Variants in CACNB4 observed in about 807,000 individuals in gnomAD.
The protein encoded by CACNB4 is calcium voltage-gated channel auxiliary subunit beta 4, also known as voltage-dependent L-type calcium channel subunit beta-4.
Under a neutral mutation model 71.2 loss-of-function variants are expected in CACNB4, and 32 were observed. The observed-to-expected ratio is 0.45, with a 90% confidence interval of 0.34 to 0.60. CACNB4 has a LOEUF of 0.60. Among genes scored for constraint, CACNB4 ranks in the 20% least tolerant of loss-of-function variants. The pLI, the probability that CACNB4 is intolerant of heterozygous loss-of-function variation, is 0.01. For missense variants in CACNB4, 464 were observed against 647.9 expected (o/e 0.72, Z 3.08); for synonymous variants, 231 against 236.9 (o/e 0.97, Z 0.23).
intron 2 of CACNB4, among the ~76,000 whole-genome samples, chr2:151,918,600 C>T (rs538584084): frequency 6.6e-6 from 1 of 152,332 alleles, no homozygotes; most frequent in South Asian, 2.1e-4. Flanking sequence ...TGCCTACTGA[C>T]CCTATAAATA....
At chr2:152,003,383 T>G (rs1374918698) in intron 2 of CACNB4, among the ~76,000 whole-genome samples, 1 of 151,658 alleles carries the variant, frequency 6.6e-6, no homozygotes, top group Non-Finnish European at 1.5e-5. Context: ...GAGGTGGAGG[T>G]TGCAGTGAGC....
chr2:151,965,764 G>A (rs2099870930), intron 2 of CACNB4, among the ~76,000 whole-genome samples: 1 of 151,890 alleles, frequency 6.6e-6, no homozygotes, highest in Non-Finnish European at 1.5e-5. Flanking sequence ...TGAGACTCAA[G>A]TGTTTCCAAG....
At chr2:151,858,695 T>C (rs972338127) in intron 10 of CACNB4, 1 of 152,240 alleles carries the variant, frequency 6.6e-6, no homozygotes, top group Non-Finnish European at 1.5e-5. Context: ...CCTCAATCTT[T>C]TTCAATCTCT....
intron 4 of CACNB4, chr2:151,879,673 T>C (rs1282206299): frequency 6.6e-6 from 1 of 152,208 alleles, no homozygotes; most frequent in East Asian, 1.9e-4. Flanking sequence ...TCAAAGATGT[T>C]TTCTTATCTG....
At chr2:151,846,486 A>C (rs957712857) in intron 12 of CACNB4, among the ~76,000 whole-genome samples, 1 of 152,190 alleles carries the variant, frequency 6.6e-6, no homozygotes, top group Non-Finnish European at 1.5e-5. Flanking sequence ...TTTAATAAAA[A>C]GTTTATAAAC....
At chr2:152,097,253 C>G (rs934561491) in intron 2 of CACNB4, among the ~76,000 whole-genome samples, 3 of 152,104 alleles carry the variant, frequency 2.0e-5, no homozygotes, top group African/African-American at 4.8e-5. Flanking sequence ...GATATCAATT[C>G]CTCGTTGATA....
chr2:151,856,812 A>C (rs1207729311), intron 10 of CACNB4: 1 of 152,198 alleles, frequency 6.6e-6, no homozygotes, highest in Non-Finnish European at 1.5e-5. Flanking sequence ...TTCTGGGCTC[A>C]AGTGATCCTC....
intron 2 of CACNB4, among the ~76,000 whole-genome samples, chr2:151,960,522 T>C (rs2099869396): frequency 1.3e-5 from 2 of 152,116 alleles, no homozygotes; most frequent in African/African-American, 2.4e-5. Flanking sequence ...ACCACCACCA[T>C]TGCGATCGGT....
At chr2:152,085,686 G>T (rs1687620418) in intron 2 of CACNB4, among the ~76,000 whole-genome samples, 1 of 151,956 alleles carries the variant, frequency 6.6e-6, no homozygotes, top group African/African-American at 2.4e-5. Context: ...TGTTGCTGTT[G>T]TTGCTTTAAA....
At chr2:151,982,453 G>A (rs1201330564) in intron 2 of CACNB4, among the ~76,000 whole-genome samples, 1 of 152,012 alleles carries the variant, frequency 6.6e-6, no homozygotes, top group Non-Finnish European at 1.5e-5. Flanking sequence ...CTAACACAGT[G>A]AAACCCTGTC....
At chr2:151,966,416 G>A (rs1374328026) in intron 2 of CACNB4, among the ~76,000 whole-genome samples, 1 of 152,052 alleles carries the variant, frequency 6.6e-6, no homozygotes, top group Non-Finnish European at 1.5e-5. Context: ...GGGTACCTGG[G>A]ATTACAGGCA....
chr2:151,971,825 C>A, intron 2 of CACNB4: 2 of 542,460 alleles, frequency 3.7e-6, no homozygotes, highest in African/African-American at 1.9e-5. Flanking sequence ...GCCTCCCATA[C>A]TCTCAACTGA....
rs2099846301 is a variant in CACNB4 at position 151,876,571 on chromosome 2, T to C, written c.391-15A>G. 3 of 1,465,574 alleles carry C rather than the reference T, an allele frequency of 2.0e-6. No individual in the cohort carries two copies. The highest frequency in any genetic ancestry group is 2.8e-6 in the Non-Finnish European group (3 of 1,089,982). The allele number at this position is 1,465,574 out of a possible 1,614,324, so 90.8% of individuals were successfully genotyped here. A position where few individuals can be genotyped will look rare whatever the true frequency, so the allele number is the denominator to read the frequency against. The stretch of plus-strand genomic sequence containing the variant: ...TTGTTATATTTCTGGAATTCAGAAA[T>C]AAAATTGCTATCAATAGTAATTCAC... On this transcript the variant is annotated splice_polypyrimidine_tract_variant and intron_variant, in intron 4 of 13. Coordinates refer to ENST00000539935, the MANE Select transcript of CACNB4 (RefSeq NM_000726.5).
chr2:152,005,565 G>A (rs1256126798), intron 2 of CACNB4, among the ~76,000 whole-genome samples: 2 of 152,156 alleles, frequency 1.3e-5, no homozygotes, highest in African/African-American at 4.8e-5. Context: ...TGGGTACTAT[G>A]TTCATGATCT....
intron 12 of CACNB4, among the ~76,000 whole-genome samples, chr2:151,842,922 C>T (rs774870123): frequency 4.6e-5 from 7 of 152,136 alleles, no homozygotes; most frequent in African/African-American, 7.2e-5. Context: ...GTGAAAATAA[C>T]ATTATCTGTT....
intron 2 of CACNB4, among the ~76,000 whole-genome samples, chr2:151,918,454 A>G (rs2099858105): frequency 6.6e-6 from 1 of 152,204 alleles, no homozygotes. Context: ...GCTTAGCAGA[A>G]AGCTGGCTCA....
intron 2 of CACNB4, among the ~76,000 whole-genome samples, chr2:151,899,297 A>T (rs1261950414): frequency 6.6e-6 from 1 of 152,246 alleles, no homozygotes; most frequent in East Asian, 1.9e-4. Context: ...GTCTTAGATG[A>T]GGAAGAAACA....
At chr2:152,010,902 C>G (rs1233018552) in intron 2 of CACNB4, among the ~76,000 whole-genome samples, 1 of 152,118 alleles carries the variant, frequency 6.6e-6, no homozygotes, top group African/African-American at 2.4e-5. Flanking sequence ...TAAAACGTTT[C>G]CTGTAAGAGA....
At chr2:151,926,775 T>C (rs1280172438) in intron 2 of CACNB4, among the ~76,000 whole-genome samples, 2 of 152,210 alleles carry the variant, frequency 1.3e-5, no homozygotes, top group Non-Finnish European at 2.9e-5. Context: ...TCACTAGGTC[T>C]CATGTGACTG....
Sources: gnomAD v4.1 joint callset for allele counts (sites outside exome capture counted in the v4.1 genomes callset) on GRCh38, gnomAD v4.1.1 for gene constraint, MANE v1.5 for transcripts, NCBI Gene and HGNC (gene_info 2026-07-23, HGNC 2026-07-21) for gene names.